The following IL1RAPL1 variants were observed in gnomAD, a reference collection of about 807,000 sequenced individuals.
IL1RAPL1 encodes the protein interleukin 1 receptor accessory protein like 1, also known as interleukin-1 receptor accessory protein-like 1.
In IL1RAPL1, 3 loss-of-function variants were observed where a neutral mutation model predicts 48.4. The ratio of observed to expected loss-of-function variants is 0.06; its 90% CI spans 0.03 to 0.16. IL1RAPL1 has a LOEUF of 0.16. IL1RAPL1 is among the 10% of genes least tolerant of loss of function. The probability of loss-of-function intolerance (pLI) is 1.00; values close to 1 mark genes in which losing one functional copy is unlikely to be tolerated. For missense variants in IL1RAPL1, 349 were observed against 530.6 expected, an observed-to-expected ratio of 0.66 and a Z score of 3.36; for synonymous variants, 185 against 187.7, an observed-to-expected ratio of 0.99 and a Z score of 0.12.
At chrX:29,768,485 C>T (rs775680281) in intron 6 of IL1RAPL1, among the ~76,000 whole-genome samples, 1 of 111,339 alleles carries the variant, frequency 9.0e-6, no homozygotes, top group East Asian at 2.8e-4. Context: ...GAGGTACGTA[C>T]ACCTCTGTAC....
At chrX:28,956,102 C>T (rs1462185947) in intron 2 of IL1RAPL1, among the ~76,000 whole-genome samples, 2 of 107,449 alleles carry the variant, frequency 1.9e-5, no homozygotes, top group Admixed American at 1.0e-4. Context: ...GATTTTTGTA[C>T]ATTGATTTTG....
At chrX:29,488,865 G>A (rs1007100911) in intron 5 of IL1RAPL1, among the ~76,000 whole-genome samples, 1 of 112,300 alleles carries the variant, frequency 8.9e-6, no homozygotes, top group East Asian at 2.8e-4. Flanking sequence ...TGGGGGAGAC[G>A]CCCCTTTGGG....
chrX:28,791,941 A>T (rs1217350178), intron 2 of IL1RAPL1, among the ~76,000 whole-genome samples: 1 of 111,880 alleles, frequency 8.9e-6, no homozygotes, highest in East Asian at 2.8e-4. Flanking sequence ...AGAGGAGTGT[A>T]GTTGGCATCT....
At chrX:29,562,052 CTAT>C in intron 5 of IL1RAPL1, among the ~76,000 whole-genome samples, 1 of 101,147 alleles carries the variant, frequency 9.9e-6, no homozygotes, top group South Asian at 4.2e-4. Context: ...ATCTATCTAT[CTAT>C]CTATCTATCT....
intron 5 of IL1RAPL1, among the ~76,000 whole-genome samples, chrX:29,621,251 G>T (rs1924453363): frequency 9.0e-6 from 1 of 111,347 alleles, no homozygotes; most frequent in Non-Finnish European, 1.9e-5. Flanking sequence ...TTGCTTAGCA[G>T]TTTAAAACAA....
In IL1RAPL1 at chrX:29,302,019, A is replaced by C. The variant is rs182051317; in HGVS notation, c.362+18802A>C. On this transcript the variant is annotated intron_variant, in intron 3 of 10. Transcript: ENST00000378993. ...TGAAAAGTGCAAAGTGGTGCGTGGG[A>C]AAGAAACAGAAGCTAGAAAGTTAAC... Among the ~76,000 whole-genome samples, 3 of 111,999 alleles carry C rather than the reference A, an allele frequency of 2.7e-5. No individual in the cohort carries two copies. In the East Asian group the frequency reaches 8.4e-4, roughly 31 times the overall value.
chrX:29,747,191 C>CA (rs199509445), intron 6 of IL1RAPL1, among the ~76,000 whole-genome samples: 1,207 of 111,903 alleles, frequency 0.011, 4 homozygotes, highest in Non-Finnish European at 0.017. Flanking sequence ...TGAAGGGACT[C>CA]AAACAGCTTG....
intron 5 of IL1RAPL1, among the ~76,000 whole-genome samples, chrX:29,662,820 C>A (rs900256232): frequency 9.0e-5 from 10 of 111,693 alleles, no homozygotes; most frequent in African/African-American, 3.3e-4. Context: ...CCTCCCCGCA[C>A]CTTTCTGTTC....
intron 8 of IL1RAPL1, among the ~76,000 whole-genome samples, chrX:29,931,172 A>AT (rs1333597350): frequency 0.014 from 1,529 of 106,537 alleles, 35 homozygotes; most frequent in African/African-American, 0.049. Context: ...GGGAGGGGGG[A>AT]TTTTTTTTTT....
intron 2 of IL1RAPL1, among the ~76,000 whole-genome samples, chrX:28,897,762 A>G (rs1247062672): frequency 8.9e-6 from 1 of 112,242 alleles, no homozygotes; most frequent in Non-Finnish European, 1.9e-5. Context: ...TGTGTGAGCA[A>G]TAAAGCTTTT....
At chrX:28,848,762 T>G (rs1040525021) in intron 2 of IL1RAPL1, among the ~76,000 whole-genome samples, 3 of 111,663 alleles carry the variant, frequency 2.7e-5, no homozygotes, top group Non-Finnish European at 1.9e-5. Flanking sequence ...CAATCTGGAA[T>G]AATTAGAAGG....
At chrX:28,729,225 G>A (rs1935723188) in intron 1 of IL1RAPL1, among the ~76,000 whole-genome samples, 1 of 111,585 alleles carries the variant, frequency 9.0e-6, no homozygotes. Flanking sequence ...AATTCCCATT[G>A]GGAAAAGTTT....
intron 2 of IL1RAPL1, among the ~76,000 whole-genome samples, chrX:29,059,943 C>A (rs1192241863): frequency 5.4e-5 from 6 of 111,682 alleles, no homozygotes; most frequent in Non-Finnish European, 9.4e-5. Flanking sequence ...TTCTTAGCAA[C>A]TTTCCTTGCT....
At chrX:29,196,794 C>G (rs1191922513) in intron 2 of IL1RAPL1, among the ~76,000 whole-genome samples, 1 of 110,503 alleles carries the variant, frequency 9.0e-6, no homozygotes, top group African/African-American at 3.3e-5. Flanking sequence ...TATATCTTAA[C>G]TGCCAACTCC....
chrX:29,920,122 G>A, intron 8 of IL1RAPL1, 28 bp downstream of exon 8: 1 of 1,207,024 alleles, frequency 8.3e-7, no homozygotes, highest in Non-Finnish European at 1.1e-6. Flanking sequence ...AGCTTCGGTG[G>A]TCAACTGAAT....
chrX:28,632,204 A>C (rs1022094055), intron 1 of IL1RAPL1, among the ~76,000 whole-genome samples: 11 of 111,596 alleles, frequency 9.9e-5, no homozygotes, highest in Non-Finnish European at 1.7e-4. Context: ...GTTTCTGGTG[A>C]GGCCTCACTT....
At chrX:28,649,049 C>T (rs952696327) in intron 1 of IL1RAPL1, among the ~76,000 whole-genome samples, 4 of 111,781 alleles carry the variant, frequency 3.6e-5, no homozygotes, top group Non-Finnish European at 5.6e-5. Context: ...TCATGGAAGC[C>T]ACAAGGGTGG....
At chrX:28,677,523 C>T (rs1025696404) in intron 1 of IL1RAPL1, among the ~76,000 whole-genome samples, 2 of 111,685 alleles carry the variant, frequency 1.8e-5, no homozygotes, top group African/African-American at 6.5e-5. Flanking sequence ...ACCAACACAA[C>T]TCTGAGATGT....
At chrX:29,327,812 T>A in intron 3 of IL1RAPL1, among the ~76,000 whole-genome samples, 1 of 109,947 alleles carries the variant, frequency 9.1e-6, no homozygotes. Flanking sequence ...AAACTTATGG[T>A]CTCTTTTGCA....
Sources: gnomAD v4.1 joint callset for allele counts (sites outside exome capture counted in the v4.1 genomes callset) on GRCh38, gnomAD v4.1.1 for gene constraint, MANE v1.5 for transcripts, NCBI Gene and HGNC (gene_info 2026-07-23, HGNC 2026-07-21) for gene names.